The following CDC42BPB variants were observed in gnomAD, a reference collection of about 807,000 sequenced individuals.
CDC42BPB encodes the protein serine/threonine-protein kinase MRCK beta.
CDC42BPB carries 37 observed loss-of-function variants against 214.9 expected under a neutral mutation model. The observed-to-expected ratio is 0.17, with a 90% CI of 0.13 to 0.23. The LOEUF (loss-of-function observed/expected upper bound fraction) is 0.23, where lower values mean the gene tolerates loss of function less well. Ranked by LOEUF, CDC42BPB falls within the 10% of genes least tolerant of loss-of-function variation. CDC42BPB has a pLI of 1.00. For missense variants in CDC42BPB, 1,694 were observed against 2,227.0 expected (o/e 0.76, Z 4.82); for synonymous variants, 931 against 884.0 (o/e 1.05, Z -0.94).
intron 30 of CDC42BPB, 151 bp from the exon 31 acceptor site, chr14:102,940,475 A>G: frequency 1.4e-6 from 2 of 1,456,032 alleles, no homozygotes; most frequent in Non-Finnish European, 1.8e-6. Flanking sequence ...TCATGTTCCC[A>G]CTCTGGAATT....
chr14:102,974,837 T>C (rs1192213985), intron 11 of CDC42BPB, among the ~76,000 whole-genome samples: 1 of 152,140 alleles, frequency 6.6e-6, no homozygotes, highest in Non-Finnish European at 1.5e-5. Context: ...GGGGGGCTAC[T>C]TGGGAGGCTG....
chr14:103,022,236 C>G (rs1886814102), intron 1 of CDC42BPB, among the ~76,000 whole-genome samples: 2 of 152,110 alleles, frequency 1.3e-5, no homozygotes, highest in Admixed American at 1.3e-4. Flanking sequence ...TGGCTTTTGC[C>G]ACGTGGAGAC....
intron 6 of CDC42BPB, among the ~76,000 whole-genome samples, chr14:102,984,688 T>C (rs895887015): frequency 6.6e-6 from 1 of 151,964 alleles, no homozygotes; most frequent in Non-Finnish European, 1.5e-5. Context: ...AGGGCCATCC[T>C]GACGGGCTGA....
intron 36 of CDC42BPB, among the ~76,000 whole-genome samples, chr14:102,934,927 G>A (rs544902356): frequency 7.3e-5 from 11 of 151,166 alleles, no homozygotes; most frequent in East Asian, 3.9e-4. Context: ...GGAGAATGGC[G>A]TGAACCCAGG....
At chr14:102,996,308 C>A (rs944584534) in intron 5 of CDC42BPB, among the ~76,000 whole-genome samples, 1 of 151,984 alleles carries the variant, frequency 6.6e-6, no homozygotes, top group Non-Finnish European at 1.5e-5. Flanking sequence ...CCACTGCACT[C>A]CAGCCTGGGT....
At chr14:103,018,966 C>T (rs770270008) in intron 1 of CDC42BPB, among the ~76,000 whole-genome samples, 10 of 152,076 alleles carry the variant, frequency 6.6e-5, no homozygotes, top group African/African-American at 2.4e-4. Flanking sequence ...GTTTTTGAGA[C>T]AGGGTTTTGC....
At chr14:103,010,960 G>A (rs1415381964) in intron 2 of CDC42BPB, among the ~76,000 whole-genome samples, 1 of 152,222 alleles carries the variant, frequency 6.6e-6, no homozygotes, top group Non-Finnish European at 1.5e-5. Flanking sequence ...AAGCCAGGAG[G>A]CAGAGCTTGC....
Position 103,001,996 on chromosome 14 carries a change from G to T in CDC42BPB, c.447+1932C>A, listed in dbSNP as rs571102205. The stretch of plus-strand genomic sequence containing the variant: ...GACCTAGTCTGTCCTGTCACAGAAC[G>T]CGGGGTGCTGAGTTAAGCCAGTAAG... On this transcript the variant is annotated intron_variant, in intron 4 of 36. Coordinates refer to ENST00000361246, the MANE Select transcript of CDC42BPB (RefSeq NM_006035.4). The surrounding 1 kb of genome is among the most constrained non-coding windows in gnomAD (Gnocchi z 5.8). Among the ~76,000 whole-genome samples the T allele has an allele frequency of 2.2e-4, 33 of 152,208 alleles. No individual in the cohort carries two copies. The highest frequency in any genetic ancestry group is 7.7e-4 in the African/African-American group (32 of 41,450).
intron 12 of CDC42BPB, among the ~76,000 whole-genome samples, chr14:102,973,202 C>T (rs1893565590): frequency 6.6e-6 from 1 of 152,194 alleles, no homozygotes; most frequent in Non-Finnish European, 1.5e-5. Context: ...ATGACCCTGT[C>T]AAGCAATGAG....
intron 8 of CDC42BPB, among the ~76,000 whole-genome samples, chr14:102,978,576 G>A (rs879436814): frequency 4.6e-5 from 7 of 152,212 alleles, no homozygotes; most frequent in Admixed American, 1.3e-4. Context: ...TGAGGACCCC[G>A]GACAGAGCCT....
chr14:103,052,806 C>A (rs551804797), intron 1 of CDC42BPB, among the ~76,000 whole-genome samples: 1 of 152,352 alleles, frequency 6.6e-6, no homozygotes, highest in Non-Finnish European at 1.5e-5. Flanking sequence ...ACCACTGTGG[C>A]CTGTCCAATG....
intron 13 of CDC42BPB, 41 bp from the exon 14 acceptor site, chr14:102,970,302 C>A: frequency 1.9e-6 from 3 of 1,571,324 alleles, no homozygotes; most frequent in Non-Finnish European, 2.6e-6. Flanking sequence ...AAAAAGCGAG[C>A]CCTGCTTCAC....
At chr14:102,999,338 G>A (rs1894876153) in intron 5 of CDC42BPB, among the ~76,000 whole-genome samples, 1 of 152,084 alleles carries the variant, frequency 6.6e-6, no homozygotes, top group African/African-American at 2.4e-5. Context: ...AGACACAGTG[G>A]CTTCGGCTGA....
chr14:103,033,683 T>A (rs10150923), intron 1 of CDC42BPB, among the ~76,000 whole-genome samples: 1 of 152,182 alleles, frequency 6.6e-6, no homozygotes, highest in Non-Finnish European at 1.5e-5. Context: ...AATGACATTT[T>A]CATACATGAG....
chr14:103,046,198 T>G (rs535514054), intron 1 of CDC42BPB, among the ~76,000 whole-genome samples: 1 of 151,736 alleles, frequency 6.6e-6, no homozygotes, highest in Non-Finnish European at 1.5e-5. Context: ...TCCCAGAAAC[T>G]GACAGCTATG....
intron 3 of CDC42BPB, among the ~76,000 whole-genome samples, chr14:103,007,862 G>A (rs1043825729): frequency 2.0e-5 from 3 of 152,202 alleles, no homozygotes; most frequent in African/African-American, 7.2e-5. Flanking sequence ...ACAACAGGGC[G>A]GGTGAGGACA....
intron 12 of CDC42BPB, chr14:102,972,441 C>A: frequency 2.0e-6 from 1 of 503,900 alleles, no homozygotes; most frequent in Non-Finnish European, 2.6e-6. Flanking sequence ...AACCCCAGCA[C>A]TTTTGGAGGC....
chr14:102,978,481 T>C (rs577259385), intron 8 of CDC42BPB: 14 of 234,888 alleles, frequency 6.0e-5, no homozygotes, highest in African/African-American at 3.0e-4. Context: ...GGTTAGTGAT[T>C]TTCAAAGACT....
rs1257219751 is a variant in CDC42BPB at position 102,968,321 on chromosome 14, C to T, written c.2278G>A (p.Asp760Asn). The T allele has an allele frequency of 3.1e-6, 5 of 1,614,044 alleles. No homozygotes were observed. The East Asian group carries it at 8.9e-5, about 29-fold the overall frequency. ...EMEEAVGTIK[D>N]KYERERAMLF... ...ATCGCTCTTTCTCGTTCGTATTTAT[C>T]TTTTATTGTACCTACTGCCTCCTCC... Residue 760 changes from aspartate to asparagine, a missense_variant, in exon 16 of 37, where the codon GAT becomes AAT. Asp to Asn is a conservative substitution (Grantham distance 23). This residue lies in a region of CDC42BPB where 462 missense variants were observed against 513.5 expected (regional missense o/e 0.90). Coordinates refer to ENST00000361246, the MANE Select transcript of CDC42BPB (RefSeq NM_006035.4).
Sources: gnomAD v4.1 joint callset for allele counts (sites outside exome capture counted in the v4.1 genomes callset) on GRCh38, gnomAD v4.1.1 for gene constraint, gnomAD v4.1.1 regional missense constraint, Gnocchi (gnomAD v3.1) non-coding constraint, MANE v1.5 for transcripts, NCBI Gene and HGNC (gene_info 2026-07-23, HGNC 2026-07-21) for gene names.